GNA12: variants seen among roughly 807,000 people sequenced by gnomAD.
GNA12 encodes guanine nucleotide-binding protein subunit alpha-12.
A neutral mutation model predicts 26.0 loss-of-function variants in GNA12; 9 were observed. The observed-to-expected ratio is 0.35, with a 90% CI of 0.21 to 0.60. GNA12 has a LOEUF of 0.60. Among genes scored for constraint, GNA12 ranks in the 20% least tolerant of loss-of-function variants. The pLI, the probability that GNA12 is intolerant of heterozygous loss-of-function variation, is 0.78. For synonymous variants in GNA12, 264 were observed against 219.6 expected (o/e 1.20, Z -1.79); for missense variants, 405 against 525.8 (o/e 0.77, Z 2.25).
At chr7:2,780,239 T>A (rs947300909) in intron 2 of GNA12, among the ~76,000 whole-genome samples, 1 of 151,748 alleles carries the variant, frequency 6.6e-6, no homozygotes, top group Non-Finnish European at 1.5e-5. Context: ...TTCTATCACA[T>A]GGTCAGTATT....
At chr7:2,772,515 G>A (rs1300363589) in intron 2 of GNA12, among the ~76,000 whole-genome samples, 2 of 150,442 alleles carry the variant, frequency 1.3e-5, no homozygotes, top group African/African-American at 2.5e-5. Context: ...AGCCAAGATC[G>A]CACCACTGCA....
chr7:2,842,596 C>T (rs778603415), intron 1 of GNA12, among the ~76,000 whole-genome samples: 1 of 152,140 alleles, frequency 6.6e-6, no homozygotes, highest in Non-Finnish European at 1.5e-5. Flanking sequence ...TCACACCTGG[C>T]CGACTTCTAC....
chr7:2,824,537 G>T (rs566907859), intron 1 of GNA12, among the ~76,000 whole-genome samples: 1 of 152,152 alleles, frequency 6.6e-6, no homozygotes, highest in South Asian at 2.1e-4. Context: ...TTCATAAGAC[G>T]TGCCTGTTTA....
rs1789724236 is a variant in GNA12, at chr7:2,728,518, T to G, written c.*2663A>C. On this transcript the variant is annotated 3_prime_UTR_variant, in exon 4 of 4. Transcript: ENST00000275364. ...AAATAGATTTCAGTAAAACCCTATA[T>G]GCGTCTTATGTGTACACAGTATAGC... 1 of 152,484 alleles carries G rather than the reference T, an allele frequency of 6.6e-6. No homozygotes were observed. The highest frequency in any genetic ancestry group is 2.4e-5 in the African/African-American group (1 of 41,434). The allele number at this position is 152,484 out of a possible 1,614,324, so 9.4% of individuals were successfully genotyped here.
Position 2,802,957 on chromosome 7 carries a change from C to T in GNA12, c.310-7814G>A, listed in dbSNP as rs541100062. Among the ~76,000 whole-genome samples, 10 of 152,310 alleles carry T rather than the reference C, an allele frequency of 6.6e-5. No individual in the cohort carries two copies. The Middle Eastern group carries it at 0.01, about 155-fold the overall frequency. On this transcript the variant is annotated intron_variant, in intron 1 of 3. Transcript: ENST00000275364. Reference sequence around the variant, plus strand: ...CGCAGCCCTGGCCCCACCATAACTCCGCGGATTTGCCTTCCGCAACAAATG... The same window carrying T: ...CGCAGCCCTGGCCCCACCATAACTCTGCGGATTTGCCTTCCGCAACAAATG...
chr7:2,786,311 A>T (rs1238203897), intron 2 of GNA12, among the ~76,000 whole-genome samples: 1 of 152,224 alleles, frequency 6.6e-6, no homozygotes, highest in Non-Finnish European at 1.5e-5. Flanking sequence ...ATTAGTTCAA[A>T]ATGAAAAATT....
At chr7:2,742,285 G>C (rs574883363) in intron 2 of GNA12, among the ~76,000 whole-genome samples, 1 of 152,062 alleles carries the variant, frequency 6.6e-6, no homozygotes, top group Non-Finnish European at 1.5e-5. Context: ...CAAAGTGCTG[G>C]GATTACAGGT....
chr7:2,757,511 C>T (rs960851290), intron 2 of GNA12, among the ~76,000 whole-genome samples: 9 of 152,080 alleles, frequency 5.9e-5, no homozygotes, highest in African/African-American at 2.2e-4. Flanking sequence ...TCTGCCAGTA[C>T]CAGTGAGCTT....
chr7:2,780,925 A>G (rs529435115), intron 2 of GNA12, among the ~76,000 whole-genome samples: 20 of 152,360 alleles, frequency 1.3e-4, no homozygotes, highest in Middle Eastern at 3.4e-3. Flanking sequence ...AATCATACCC[A>G]TCTGTTTTCC....
chr7:2,837,718 A>G (rs757765490), intron 1 of GNA12, among the ~76,000 whole-genome samples: 2 of 152,236 alleles, frequency 1.3e-5, no homozygotes, highest in Non-Finnish European at 2.9e-5. Flanking sequence ...AGGAAAGCTA[A>G]GAGAATCTGT....
intron 1 of GNA12, chr7:2,815,218 G>A (rs896609090): frequency 1.1e-4 from 39 of 360,110 alleles, no homozygotes; most frequent in Non-Finnish European, 1.8e-4. Flanking sequence ...TCTCAAGGAG[G>A]AAGCCAGTCA....
chr7:2,764,674 T>C (rs1412456794), intron 2 of GNA12: 1 of 152,238 alleles, frequency 6.6e-6, no homozygotes, highest in Non-Finnish European at 1.5e-5. Flanking sequence ...TCTGTCTGAA[T>C]GCATCTGAGT....
At chr7:2,833,842 T>C (rs1450029412) in intron 1 of GNA12, among the ~76,000 whole-genome samples, 1 of 152,084 alleles carries the variant, frequency 6.6e-6, no homozygotes, top group Non-Finnish European at 1.5e-5. Context: ...AGACAGAGAC[T>C]CTTAAAGGCC....
chr7:2,803,582 T>C (rs1290285058), intron 1 of GNA12, among the ~76,000 whole-genome samples: 3 of 152,070 alleles, frequency 2.0e-5, no homozygotes, highest in Non-Finnish European at 2.9e-5. Context: ...TTCTCCCAAG[T>C]CAGGTCCACA....
chr7:2,785,936 G>A (rs188097028), intron 2 of GNA12, among the ~76,000 whole-genome samples: 73 of 152,256 alleles, frequency 4.8e-4, no homozygotes, highest in Admixed American at 1.4e-3. Flanking sequence ...GTGTGGTGGC[G>A]GACGCCTGTA....
chr7:2,828,678 G>A (rs921925338), intron 1 of GNA12, among the ~76,000 whole-genome samples: 5 of 152,198 alleles, frequency 3.3e-5, no homozygotes, highest in Non-Finnish European at 7.3e-5. Context: ...TCCTGCTCTA[G>A]TGACTTCAGT....
intron 2 of GNA12, among the ~76,000 whole-genome samples, chr7:2,769,943 G>A (rs1397125481): frequency 6.6e-6 from 1 of 151,940 alleles, no homozygotes; most frequent in African/African-American, 2.4e-5. Flanking sequence ...AAGTGTTTTT[G>A]TTTTTTTAAA....
intron 1 of GNA12, 145 bp downstream of exon 1, chr7:2,843,708 G>A (rs1779075127): frequency 6.9e-6 from 3 of 432,214 alleles, no homozygotes; most frequent in Non-Finnish European, 1.2e-5. Context: ...ATGGGTCGGG[G>A]GGGAGTGGGG....
intron 2 of GNA12, among the ~76,000 whole-genome samples, chr7:2,770,848 A>T (rs1419547607): frequency 6.6e-6 from 1 of 152,212 alleles, no homozygotes; most frequent in African/African-American, 2.4e-5. Flanking sequence ...GAATACTGGC[A>T]CTGCCTAAGT....
Sources: allele counts gnomAD v4.1 joint callset (sites outside exome capture counted in the v4.1 genomes callset), GRCh38; gene constraint gnomAD v4.1.1; transcripts MANE v1.5; gene names NCBI Gene and HGNC (gene_info 2026-07-23, HGNC 2026-07-21).